PITPNC1: variants seen among roughly 807,000 people sequenced by gnomAD.
The protein encoded by PITPNC1 is phosphatidylinositol transfer protein cytoplasmic 1.
In PITPNC1, 18 loss-of-function variants were observed where a neutral mutation model predicts 44.7. The observed-to-expected ratio is 0.40, with a 90% CI of 0.28 to 0.60. PITPNC1 has a LOEUF of 0.60. PITPNC1 is among the 20% of genes least tolerant of loss of function. The probability of loss-of-function intolerance (pLI) is 0.39; values close to 1 mark genes in which losing one functional copy is unlikely to be tolerated. For synonymous variants in PITPNC1, 141 were observed against 149.6 expected, an observed-to-expected ratio of 0.94 and a Z score of 0.42; for missense variants, 290 against 418.4, an observed-to-expected ratio of 0.69 and a Z score of 2.68.
intron 6 of PITPNC1, among the ~76,000 whole-genome samples, chr17:67,658,386 CT>C (rs1177078869): frequency 3.3e-5 from 5 of 152,114 alleles, no homozygotes; most frequent in Admixed American, 2.6e-4. Context: ...TCACTTTAAC[CT>C]TTTTTGCATA....
intron 1 of PITPNC1, among the ~76,000 whole-genome samples, chr17:67,484,597 G>A (rs2039751605): frequency 6.6e-6 from 1 of 152,158 alleles, no homozygotes; most frequent in Non-Finnish European, 1.5e-5. Flanking sequence ...GTCTGGACCT[G>A]TGAAAATATT....
chr17:67,473,328 C>T (rs1417765206), intron 1 of PITPNC1, among the ~76,000 whole-genome samples: 9 of 151,720 alleles, frequency 5.9e-5, no homozygotes, highest in Non-Finnish European at 1.3e-4. Context: ...GCCACTTTAC[C>T]TGGCCTGCTT....
rs33998127 is a variant in PITPNC1, at chr17:67,586,425, CAAAAAAAAAA to C, written c.366+8179_366+8188del. ...ACATGGTGAAACCCTGTTTCTACTT[CAAAAAAAAAA>C]AAAAAAAAAATTAGCTGGGCGTGGT... On this transcript the variant is annotated intron_variant, in intron 5 of 8. Transcript: ENST00000581322. Among the ~76,000 whole-genome samples, 16 of 110,592 alleles carry C rather than the reference CAAAAAAAAAA, an allele frequency of 1.4e-4. 1 individual carries two copies. In the South Asian group the frequency reaches 2.9e-3, roughly 20 times the overall value. The allele number at this position is 110,592 out of a possible 152,430, so 72.6% of individuals were successfully genotyped here.
intron 1 of PITPNC1, among the ~76,000 whole-genome samples, chr17:67,400,608 AAGATTTC>A (rs1332764001): frequency 6.6e-6 from 1 of 152,124 alleles, no homozygotes; most frequent in African/African-American, 2.4e-5. Context: ...AACACAAGGA[AAGATTTC>A]AGCTCATTTT....
intron 1 of PITPNC1, among the ~76,000 whole-genome samples, chr17:67,443,370 T>C (rs1361907482): frequency 6.6e-6 from 1 of 151,996 alleles, no homozygotes; most frequent in Non-Finnish European, 1.5e-5. Context: ...CAAGCAGGCT[T>C]CTTTGTTCTG....
At chr17:67,571,844 G>C (rs1488990456) in intron 4 of PITPNC1, among the ~76,000 whole-genome samples, 2 of 152,170 alleles carry the variant, frequency 1.3e-5, no homozygotes, top group Admixed American at 6.5e-5. Flanking sequence ...TCAATCAAAA[G>C]CTGTGCTCCC....
intron 4 of PITPNC1, among the ~76,000 whole-genome samples, chr17:67,572,069 G>C (rs1270750324): frequency 6.6e-6 from 1 of 152,190 alleles, no homozygotes; most frequent in African/African-American, 2.4e-5. Context: ...CCAAATGACT[G>C]TTCCTTAGAG....
chr17:67,515,402 C>G (rs889708623), intron 1 of PITPNC1, among the ~76,000 whole-genome samples: 1 of 152,126 alleles, frequency 6.6e-6, no homozygotes, highest in African/African-American at 2.4e-5. Flanking sequence ...GTGGACAGTC[C>G]TGAATGTATA....
chr17:67,646,224 C>T (rs1398457256), intron 6 of PITPNC1, among the ~76,000 whole-genome samples: 1 of 152,238 alleles, frequency 6.6e-6, no homozygotes, highest in Admixed American at 6.5e-5. Flanking sequence ...CTCTAAGAAT[C>T]TGCAACAATG....
At chr17:67,459,481 A>G (rs559157493) in intron 1 of PITPNC1, among the ~76,000 whole-genome samples, 81 of 151,812 alleles carry the variant, frequency 5.3e-4, no homozygotes, top group South Asian at 1.2e-3. Flanking sequence ...TCCTTTGTCC[A>G]CTTGGGTTTT....
intron 1 of PITPNC1, among the ~76,000 whole-genome samples, chr17:67,471,056 CA>C (rs1163928096): frequency 2.4e-5 from 3 of 123,568 alleles, no homozygotes; most frequent in Non-Finnish European, 5.0e-5. Context: ...ATCAGGGACA[CA>C]AACACTGCGG....
At chr17:67,428,342 C>T (rs1598649617) in intron 1 of PITPNC1, among the ~76,000 whole-genome samples, 1 of 151,416 alleles carries the variant, frequency 6.6e-6, no homozygotes, top group South Asian at 2.1e-4. Context: ...AGTTCGAGAC[C>T]AACTTGGGCA....
chr17:67,451,853 G>A (rs2039182376), intron 1 of PITPNC1, among the ~76,000 whole-genome samples: 1 of 151,954 alleles, frequency 6.6e-6, no homozygotes, highest in Admixed American at 6.6e-5. Context: ...AGCCAGGATG[G>A]TCTCAATCTC....
Position 67,495,052 on chromosome 17 carries a change from G to GTTTTTT in PITPNC1, c.49-37733_49-37728dup, listed in dbSNP as rs1243868487. On this transcript the variant is annotated intron_variant, in intron 1 of 8. Transcript: ENST00000581322. The stretch of plus-strand genomic sequence containing the variant: ...GAGCCATGGAGTTGTTTTTTTTTTT[G>GTTTTTT]TTTTTTTTTTTTTTTTTTTTTTGAG... Among the ~76,000 whole-genome samples the GTTTTTT allele has an allele frequency of 3.4e-3, 132 of 38,530 alleles. 3 individuals carry two copies. The highest frequency in any genetic ancestry group is 4.1e-3 in the South Asian group (3 of 732). 25.3% of individuals were successfully genotyped at this position (38,530 alleles called of 152,430 possible).
chr17:67,619,025 C>T (rs1203703660), intron 5 of PITPNC1, among the ~76,000 whole-genome samples: 1 of 151,998 alleles, frequency 6.6e-6, no homozygotes, highest in Non-Finnish European at 1.5e-5. Context: ...CGCCACTGCA[C>T]TCCAGCCTGG....
intron 1 of PITPNC1, among the ~76,000 whole-genome samples, chr17:67,386,223 C>A (rs1262722212): frequency 6.6e-6 from 1 of 152,186 alleles, no homozygotes; most frequent in Admixed American, 6.6e-5. Flanking sequence ...CGGAGTTTTG[C>A]TCTTGTCGCC....
intron 1 of PITPNC1, among the ~76,000 whole-genome samples, chr17:67,414,145 C>T (rs982249357): frequency 3.3e-5 from 5 of 151,478 alleles, no homozygotes; most frequent in Admixed American, 6.6e-5. Flanking sequence ...CCCATGTACC[C>T]TCAACCCAGC....
intron 2 of PITPNC1, among the ~76,000 whole-genome samples, chr17:67,537,506 A>G (rs190813041): frequency 6.6e-6 from 1 of 152,360 alleles, no homozygotes; most frequent in Non-Finnish European, 1.5e-5. Flanking sequence ...ATACAAAATC[A>G]TTTTGGAGAA....
At position 67,654,437 on chromosome 17, in the gene PITPNC1, C is replaced by A. The variant is rs1456495360; in HGVS notation, c.463-15071C>A. On this transcript the variant is annotated intron_variant, in intron 6 of 8. Coordinates refer to ENST00000581322, the MANE Select transcript of PITPNC1 (RefSeq NM_012417.4). ...CATAGTAATCCTACAGCCCCTGGGACATTCCCACTGCCTTTCTTTGGAGGA... is the reference window on the plus strand; with the variant it reads ...CATAGTAATCCTACAGCCCCTGGGAAATTCCCACTGCCTTTCTTTGGAGGA... Among the ~76,000 whole-genome samples, 6 of 152,330 alleles carry A rather than the reference C, an allele frequency of 3.9e-5. No individual in the cohort carries two copies. In the East Asian group the frequency reaches 9.6e-4, roughly 24 times the overall value.
Sources: gnomAD v4.1 joint callset for allele counts (sites outside exome capture counted in the v4.1 genomes callset) on GRCh38, gnomAD v4.1.1 for gene constraint, MANE v1.5 for transcripts, NCBI Gene and HGNC (gene_info 2026-07-23, HGNC 2026-07-21) for gene names.